The following ADGRV1 variants were observed in gnomAD, a reference collection of about 807,000 sequenced individuals.
ADGRV1 encodes the protein adhesion G protein-coupled receptor V1, also known as G-protein coupled receptor 98.
A neutral mutation model predicts 596.2 loss-of-function variants in ADGRV1; 359 were observed. The observed-to-expected ratio is 0.60, with a 90% CI of 0.55 to 0.66. The LOEUF (loss-of-function observed/expected upper bound fraction) is 0.66. ADGRV1 is among the 30% of genes least tolerant of loss of function. ADGRV1 has a pLI of 0.00. For missense variants in ADGRV1, 7,274 were observed against 7,575.6 expected (o/e 0.96, Z 1.48); for synonymous variants, 2,681 against 2,679.2 (o/e 1.00, Z -0.02).
At chr5:90,923,595 T>C (rs1275036527) in intron 83 of ADGRV1, among the ~76,000 whole-genome samples, 3 of 152,182 alleles carry the variant, frequency 2.0e-5, no homozygotes, top group Admixed American at 1.3e-4. Flanking sequence ...AGCTGCAATA[T>C]AGAACAGTCC....
At chr5:90,725,905 C>T (rs999450126) in intron 48 of ADGRV1, among the ~76,000 whole-genome samples, 1 of 152,134 alleles carries the variant, frequency 6.6e-6, no homozygotes, top group Non-Finnish European at 1.5e-5. Context: ...TAGAATTTAA[C>T]TGAATTGCAA....
intron 89 of ADGRV1, among the ~76,000 whole-genome samples, chr5:91,161,138 T>C (rs1274239609): frequency 2.6e-5 from 4 of 152,196 alleles, no homozygotes; most frequent in Non-Finnish European, 5.9e-5. Flanking sequence ...GTCCTCTCTG[T>C]TCCTCCCTAG....
At chr5:90,578,764 TATTA>T (rs1757569164) in intron 1 of ADGRV1, among the ~76,000 whole-genome samples, 1 of 152,236 alleles carries the variant, frequency 6.6e-6, no homozygotes. Context: ...GTTGGTAGGC[TATTA>T]ATTATTGCCA....
chr5:90,574,729 G>T (rs781469691), intron 1 of ADGRV1, among the ~76,000 whole-genome samples: 1 of 152,086 alleles, frequency 6.6e-6, no homozygotes, highest in Non-Finnish European at 1.5e-5. Flanking sequence ...GATATGTTTT[G>T]GTTGTTAGGT....
intron 21 of ADGRV1, among the ~76,000 whole-genome samples, chr5:90,663,673 A>T (rs1254166031): frequency 6.6e-6 from 1 of 152,246 alleles, no homozygotes; most frequent in Non-Finnish European, 1.5e-5. Context: ...TGTTTTAGAC[A>T]TGAAGTCCTT....
At chr5:90,951,030 G>A (rs1370788214) in intron 83 of ADGRV1, among the ~76,000 whole-genome samples, 2 of 152,004 alleles carry the variant, frequency 1.3e-5, no homozygotes, top group South Asian at 2.1e-4. Context: ...TAAAATCTGT[G>A]GTGAAAACAT....
intron 85 of ADGRV1, among the ~76,000 whole-genome samples, chr5:91,051,139 T>C (rs1427323151): frequency 6.6e-6 from 1 of 152,200 alleles, no homozygotes; most frequent in African/African-American, 2.4e-5. Flanking sequence ...AAAAGGCTCC[T>C]TATGGCACCC....
At chr5:90,721,151 T>C in intron 45 of ADGRV1, 92 bp downstream of exon 45, 1 of 1,096,236 alleles carries the variant, frequency 9.1e-7, no homozygotes, top group Non-Finnish European at 1.3e-6. Context: ...TGTATGTTAT[T>C]GATCATTTGA....
chr5:90,692,809 T>G (rs1448099340), intron 32 of ADGRV1, 23 bp downstream of exon 32: 1 of 1,540,538 alleles, frequency 6.5e-7, no homozygotes, highest in Middle Eastern at 1.7e-4. Flanking sequence ...GCTACTTGCC[T>G]CTGTGGGAGT....
At chr5:91,039,634 CCACTT>C (rs1785176268) in intron 85 of ADGRV1, among the ~76,000 whole-genome samples, 1 of 152,130 alleles carries the variant, frequency 6.6e-6, no homozygotes, top group African/African-American at 2.4e-5. Context: ...TAATAAATGT[CCACTT>C]CCGATAAGTA....
chr5:90,845,737 G>A (rs981889231), intron 78 of ADGRV1, among the ~76,000 whole-genome samples: 3 of 152,056 alleles, frequency 2.0e-5, no homozygotes, highest in Non-Finnish European at 4.4e-5. Context: ...ATTTTAAGGA[G>A]CTGTGTTATT....
intron 87 of ADGRV1, among the ~76,000 whole-genome samples, chr5:91,126,405 T>C (rs528261976): frequency 3.3e-5 from 5 of 152,318 alleles, no homozygotes; most frequent in African/African-American, 1.2e-4. Context: ...TTATTCAACA[T>C]TTTTCCTAAG....
intron 86 of ADGRV1, among the ~76,000 whole-genome samples, chr5:91,078,875 T>A (rs956139086): frequency 2.6e-5 from 4 of 152,248 alleles, no homozygotes; most frequent in African/African-American, 9.6e-5. Context: ...TGGTGCTAGC[T>A]TATTTGAAGC....
At chr5:90,616,642 C>T (rs1763401474) in intron 2 of ADGRV1, among the ~76,000 whole-genome samples, 1 of 151,948 alleles carries the variant, frequency 6.6e-6, no homozygotes, top group Non-Finnish European at 1.5e-5. Context: ...TATTTGTATA[C>T]AATGTGTAAT....
chr5:90,665,249 C>A (rs1422394922), intron 21 of ADGRV1, among the ~76,000 whole-genome samples: 1 of 152,010 alleles, frequency 6.6e-6, no homozygotes, highest in Non-Finnish European at 1.5e-5. Flanking sequence ...GTCCTGGACT[C>A]TTTTTGGTTG....
At chr5:90,647,448 T>C (rs1283155443) in intron 16 of ADGRV1, 50 bp from the exon 17 acceptor site, 4 of 1,554,030 alleles carry the variant, frequency 2.6e-6, no homozygotes, top group South Asian at 1.2e-5. Flanking sequence ...TCTGAAAATA[T>C]GTGATGGAAT....
Position 90,697,102 on chromosome 5 carries a change from T to G in ADGRV1, c.8111T>G (p.Ile2704Ser), listed in dbSNP as rs748016344. 4 of 1,613,418 alleles carry G rather than the reference T, an allele frequency of 2.5e-6. No individual in the cohort carries two copies. Among genetic ancestry groups the G allele is most frequent in the Non-Finnish European group, 3.4e-6 (4 of 1,179,430 alleles). The stretch of plus-strand genomic sequence containing the variant: ...TTGGCCAATGACAATGTGGCAGGAA[T>G]TGTTAGCTTTCAGACAGCTTCCAGA... ...NILANDNVAG[I>S]VSFQTASRSV... The change falls in exon 34 of 90, where the codon ATT (isoleucine) becomes AGT (serine). Residue 2704 changes from isoleucine to serine, a missense_variant. Transcript: ENST00000405460.
chr5:90,782,954 A>C (rs1759015233), intron 65 of ADGRV1, among the ~76,000 whole-genome samples, 170 bp from the exon 66 acceptor site: 2 of 152,176 alleles, frequency 1.3e-5, no homozygotes, highest in African/African-American at 4.8e-5. Flanking sequence ...TTCCTCCTAA[A>C]AAATGTCATG....
intron 43 of ADGRV1, among the ~76,000 whole-genome samples, chr5:90,719,137 C>G (rs1342793781): frequency 1.3e-5 from 2 of 152,046 alleles, no homozygotes; most frequent in Non-Finnish European, 2.9e-5. Flanking sequence ...CGAGACCAGC[C>G]TGGCCAACAT....
Sources: gnomAD v4.1 joint callset for allele counts (sites outside exome capture counted in the v4.1 genomes callset) on GRCh38, gnomAD v4.1.1 for gene constraint, MANE v1.5 for transcripts, NCBI Gene and HGNC (gene_info 2026-07-23, HGNC 2026-07-21) for gene names.